ZNF385B: variants seen among roughly 807,000 people sequenced by gnomAD.
ZNF385B encodes zinc finger protein 533.
A neutral mutation model predicts 39.2 loss-of-function variants in ZNF385B; 23 were observed. The observed-to-expected ratio is 0.59, with a 90% CI of 0.42 to 0.83. The LOEUF is 0.83. Ranked by LOEUF, ZNF385B falls within the 40% of genes least tolerant of loss-of-function variation. ZNF385B has a pLI of 0.00. For missense variants in ZNF385B, 552 were observed against 598.9 expected (o/e 0.92, Z 0.82); for synonymous variants, 205 against 222.6 (o/e 0.92, Z 0.70).
rs111382942 is a variant in ZNF385B at position 179,526,259 on chromosome 2, G to C, written c.442-7621C>G. On this transcript the variant is annotated intron_variant, in intron 4 of 9. Transcript: ENST00000410066. ...GCCCAGGCTGGAACTATAGAACTTT[G>C]TACTATTTTGGATTTCAATTCAGAA... 2.4e-3 allele frequency among the ~76,000 whole-genome samples: 362 copies of C among 151,522 alleles called. 2 individuals are homozygous for C. The highest frequency in any genetic ancestry group is 3.9e-3 in the Non-Finnish European group (267 of 67,860).
chr2:179,486,204 C>G (rs1438123161), intron 5 of ZNF385B, among the ~76,000 whole-genome samples: 1 of 152,090 alleles, frequency 6.6e-6, no homozygotes, highest in Non-Finnish European at 1.5e-5. Context: ...ACTGAGCTTA[C>G]TCTTTCAGGC....
At chr2:179,625,831 C>G (rs770529965) in intron 3 of ZNF385B, among the ~76,000 whole-genome samples, 4 of 152,028 alleles carry the variant, frequency 2.6e-5, no homozygotes, top group Non-Finnish European at 4.4e-5. Context: ...ATCCTTCCTG[C>G]CTAAAAGGAT....
chr2:179,590,096 G>C (rs772673663), intron 3 of ZNF385B, among the ~76,000 whole-genome samples: 1 of 152,174 alleles, frequency 6.6e-6, no homozygotes, highest in Admixed American at 6.5e-5. Flanking sequence ...TAACTTCTCT[G>C]ATCTTCTGCT....
intron 3 of ZNF385B, among the ~76,000 whole-genome samples, chr2:179,644,630 A>G (rs10196048): frequency 0.13 from 20,260 of 152,196 alleles, 1,383 homozygotes; most frequent in Non-Finnish European, 0.15. Flanking sequence ...AACTTTTCCA[A>G]AGATAATTTT....
chr2:179,627,087 T>C (rs1229557060), intron 3 of ZNF385B, among the ~76,000 whole-genome samples: 1 of 152,196 alleles, frequency 6.6e-6, no homozygotes, highest in Non-Finnish European at 1.5e-5. Context: ...AGTTCTATTC[T>C]AGCTGCAATC....
chr2:179,493,493 G>GTGTGTACATATATGCGTATACA (rs1553571606), intron 5 of ZNF385B, among the ~76,000 whole-genome samples: 6 of 149,716 alleles, frequency 4.0e-5, no homozygotes, highest in South Asian at 2.1e-4. Flanking sequence ...ATGTATAAAC[G>GTGTGTACATATATGCGTATACA]TGTGTGTACA....
chr2:179,760,085 G>C (rs1042465274), intron 3 of ZNF385B, among the ~76,000 whole-genome samples: 1 of 143,926 alleles, frequency 6.9e-6, no homozygotes, highest in African/African-American at 2.6e-5. Context: ...GTCTCACTCT[G>C]TCACCCAGGC....
Position 179,835,184 on chromosome 2 carries a change from A to T in ZNF385B, c.-155+25917T>A, listed in dbSNP as rs532491076. Among the ~76,000 whole-genome samples the T allele has an allele frequency of 5.4e-4, 83 of 152,380 alleles. 1 individual carries two copies. The highest frequency in any genetic ancestry group is 5.4e-3 in the South Asian group (26 of 4,834). ...CTGAAGTATTTAAGGGTGAAATGTC[A>T]TGATGTCTACAACTAGCTTTGAAAC... On this transcript the variant is annotated intron_variant, in intron 1 of 9. Transcript: ENST00000410066.
rs1684387445 is a variant in ZNF385B at position 179,854,026 on chromosome 2, AATTT to A, written c.-155+7071_-155+7074del. ...ATGTCTAAGAACATGTGCAATGGCT[AATTT>A]ATTTAAAGAAAATTTCATATATATA... On this transcript the variant is annotated intron_variant, in intron 1 of 9. Coordinates refer to ENST00000410066, the MANE Select transcript of ZNF385B (RefSeq NM_152520.6). 2.0e-5 allele frequency among the ~76,000 whole-genome samples: 3 copies of A among 152,308 alleles called. No homozygotes were observed. In the South Asian group the frequency reaches 6.2e-4, roughly 32 times the overall value.
intron 1 of ZNF385B, among the ~76,000 whole-genome samples, chr2:179,855,738 A>G (rs1309921646): frequency 6.6e-6 from 1 of 150,562 alleles, no homozygotes; most frequent in Non-Finnish European, 1.5e-5. Context: ...TAACCAATGC[A>G]GTGAGTGTAA....
intron 3 of ZNF385B, among the ~76,000 whole-genome samples, chr2:179,611,737 C>T (rs539625225): frequency 6.6e-6 from 1 of 152,112 alleles, no homozygotes; most frequent in East Asian, 1.9e-4. Context: ...TTTGAATTTC[C>T]TCATGGTTCA....
chr2:179,470,385 G>A (rs2052603217), intron 6 of ZNF385B, among the ~76,000 whole-genome samples: 3 of 152,236 alleles, frequency 2.0e-5, no homozygotes, highest in African/African-American at 4.8e-5. Flanking sequence ...CACTTCCTCC[G>A]TGCAGCCTGT....
At chr2:179,526,781 G>A (rs2058932174) in intron 4 of ZNF385B, among the ~76,000 whole-genome samples, 1 of 152,162 alleles carries the variant, frequency 6.6e-6, no homozygotes, top group Non-Finnish European at 1.5e-5. Context: ...CAGTTCTGCT[G>A]AAAGGAAGAT....
chr2:179,515,074 A>G (rs1404795030), intron 5 of ZNF385B, among the ~76,000 whole-genome samples: 1 of 152,116 alleles, frequency 6.6e-6, no homozygotes, highest in East Asian at 1.9e-4. Context: ...CATTGCACCC[A>G]GCCTCAATAT....
chr2:179,781,064 A>G (rs938463169), intron 1 of ZNF385B, among the ~76,000 whole-genome samples: 13 of 152,318 alleles, frequency 8.5e-5, no homozygotes, highest in African/African-American at 2.9e-4. Flanking sequence ...TAACTTATTT[A>G]TTCTCCCCAA....
At chr2:179,576,119 T>C (rs1257503738) in intron 3 of ZNF385B, 2 of 985,136 alleles carry the variant, frequency 2.0e-6, no homozygotes, top group Non-Finnish European at 2.4e-6. Context: ...GTCTTACATG[T>C]GTAACCCTCC....
intron 1 of ZNF385B, among the ~76,000 whole-genome samples, chr2:179,794,649 A>G (rs1705544038): frequency 1.3e-5 from 2 of 152,218 alleles, no homozygotes; most frequent in Admixed American, 1.3e-4. Flanking sequence ...AAAGAGAAAC[A>G]TAAGATACGG....
At chr2:179,765,369 C>T (rs1703627813) in intron 3 of ZNF385B, among the ~76,000 whole-genome samples, 1 of 152,178 alleles carries the variant, frequency 6.6e-6, no homozygotes, top group South Asian at 2.1e-4. Flanking sequence ...TATGGAGTGA[C>T]TTTCCCCAGA....
chr2:179,619,025 AT>A (rs1306945794), intron 3 of ZNF385B, among the ~76,000 whole-genome samples: 1 of 152,196 alleles, frequency 6.6e-6, no homozygotes, highest in Non-Finnish European at 1.5e-5. Flanking sequence ...CTAACAAAAA[AT>A]TTTAAAACAT....
Sources: allele counts gnomAD v4.1 joint callset (sites outside exome capture counted in the v4.1 genomes callset), GRCh38; gene constraint gnomAD v4.1.1; transcripts MANE v1.5; gene names NCBI Gene and HGNC (gene_info 2026-07-23, HGNC 2026-07-21).